Variants in ZFYVE16 observed in about 807,000 individuals in gnomAD.
ZFYVE16 encodes the protein zinc finger FYVE domain-containing protein 16.
In ZFYVE16, 89 loss-of-function variants were observed where a neutral mutation model predicts 138.1. The ratio of observed to expected loss-of-function variants is 0.64; its 90% CI spans 0.54 to 0.77. The LOEUF is 0.77. ZFYVE16 is among the 30% of genes least tolerant of loss of function. The probability of loss-of-function intolerance (pLI) is 0.00; values close to 1 mark genes in which losing one functional copy is unlikely to be tolerated. For missense variants in ZFYVE16, 1,793 were observed against 1,786.7 expected (o/e 1.00, Z -0.06); for synonymous variants, 596 against 618.3 (o/e 0.96, Z 0.53).
intron 18 of ZFYVE16, 41 bp from the exon 19 acceptor site, chr5:80,477,178 A>G: frequency 6.6e-7 from 1 of 1,519,542 alleles, no homozygotes; most frequent in Non-Finnish European, 8.9e-7. Context: ...GAGTTAAACA[A>G]GATTGCTCAT....
intron 9 of ZFYVE16, 49 bp downstream of exon 9, chr5:80,449,762 G>A: frequency 1.3e-6 from 2 of 1,521,200 alleles, no homozygotes; most frequent in Non-Finnish European, 1.8e-6. Flanking sequence ...CAGGATTTCT[G>A]AATTAATTAC....
rs370397768 is a variant in ZFYVE16, at chr5:80,459,485, A to C, written c.4015A>C (p.Ile1339Leu). The change falls in exon 15 of 19, where the codon ATA becomes CTA. Residue 1339 changes from isoleucine (I) to leucine (L), a missense_variant. Around this residue, in one of 2 missense-constraint regions of ZFYVE16, gnomAD observed 498 missense variants for 582.4 expected, o/e 0.86. Coordinates refer to ENST00000505560, the MANE Select transcript of ZFYVE16 (RefSeq NM_001284236.3). ...TSSGFLAKSS[I>L]VEDGLMVQIT... The stretch of plus-strand genomic sequence containing the variant: ...TTCAGGATTTCTTGCTAAGTCCAGC[A>C]TAGTTGAAGGTATGAATTTCATTTT... The C allele has an allele frequency of 6.2e-7, 1 of 1,610,362 alleles. No homozygotes were observed. Among genetic ancestry groups the C allele is most frequent in the Admixed American group, 1.7e-5 (1 of 59,490 alleles).
At chr5:80,421,572 TTTTATCAGG>T (rs1397335677) in intron 1 of ZFYVE16, among the ~76,000 whole-genome samples, 11 of 152,216 alleles carry the variant, frequency 7.2e-5, no homozygotes, top group African/African-American at 2.7e-4. Flanking sequence ...CATTTCTTGT[TTTTATCAGG>T]TTTGTCAAAG....
chr5:80,467,674 T>A (rs1344038410), intron 15 of ZFYVE16, among the ~76,000 whole-genome samples: 1 of 152,190 alleles, frequency 6.6e-6, no homozygotes, highest in Non-Finnish European at 1.5e-5. Flanking sequence ...AGTTGCCTCA[T>A]TAATTATTTA....
intron 2 of ZFYVE16, among the ~76,000 whole-genome samples, chr5:80,430,750 AG>A (rs1288342854): frequency 6.6e-6 from 1 of 152,202 alleles, no homozygotes; most frequent in Admixed American, 6.5e-5. Flanking sequence ...AAAATGATAA[AG>A]GGGATAACAC....
Position 80,443,893 on chromosome 5 carries a change from G to A in ZFYVE16, c.2581+609G>A, listed in dbSNP as rs192683536. The A allele has an allele frequency of 3.3e-5, 15 of 455,552 alleles. No homozygotes were observed. The East Asian group carries it at 9.7e-4, about 30-fold the overall frequency. The allele number at this position is 455,552 out of a possible 1,614,324, so 28.2% of individuals were successfully genotyped here. ...CTGGCATCCAAGAGCCCACTGTAGA[G>A]GGTGAGCTTGGGTTTGAGAGGCAAT... On this transcript the variant is annotated intron_variant, in intron 6 of 18. Coordinates refer to ENST00000505560, the MANE Select transcript of ZFYVE16 (RefSeq NM_001284236.3).
At chr5:80,470,226 C>A (rs1182110226) in intron 15 of ZFYVE16, among the ~76,000 whole-genome samples, 1 of 150,722 alleles carries the variant, frequency 6.6e-6, no homozygotes, top group Non-Finnish European at 1.5e-5. Flanking sequence ...CTCAGCCTCC[C>A]GAGTAGCTGG....
Position 80,474,775 on chromosome 5 carries a change from TAAA to T in ZFYVE16, c.4409_4411del (p.Lys1470del), listed in dbSNP as rs763786642. ...GCGCTGTGCCCTCACCTGAAAACTC[TAAA>T]AAGTAATGGGATGAATAAAATTGGA... is the stretch of plus-strand genomic sequence containing the variant. On this transcript the variant is annotated inframe_deletion, in exon 18 of 19. Coordinates refer to ENST00000505560, the MANE Select transcript of ZFYVE16 (RefSeq NM_001284236.3). 4.7e-5 allele frequency: 76 copies of T among 1,613,660 alleles called. No homozygotes were observed. The highest frequency in any genetic ancestry group is 3.0e-4 in the Admixed American group (18 of 59,950).
intron 14 of ZFYVE16, among the ~76,000 whole-genome samples, chr5:80,459,102 A>G (rs1300908584): frequency 6.6e-6 from 1 of 151,996 alleles, no homozygotes; most frequent in East Asian, 1.9e-4. Flanking sequence ...TAATTTTTGT[A>G]TTTTTAGTAG....
chr5:80,416,413 G>A (rs1011108418), intron 1 of ZFYVE16, among the ~76,000 whole-genome samples: 1 of 151,644 alleles, frequency 6.6e-6, no homozygotes, highest in African/African-American at 2.4e-5. Flanking sequence ...GCAGCACCAT[G>A]CCCGGCTAAT....
chr5:80,426,409 C>T (rs1260285190), intron 1 of ZFYVE16, among the ~76,000 whole-genome samples: 3 of 151,886 alleles, frequency 2.0e-5, no homozygotes, highest in African/African-American at 7.3e-5. Context: ...TATTAAGCCC[C>T]ACATGCATTA....
chr5:80,415,683 T>G (rs548686206), intron 1 of ZFYVE16, among the ~76,000 whole-genome samples: 1 of 152,270 alleles, frequency 6.6e-6, no homozygotes, highest in South Asian at 2.1e-4. Context: ...TTCTTTTTTT[T>G]TTGAGATGGA....
At chr5:80,441,969 G>A (rs2112405286) in intron 5 of ZFYVE16, 1 of 956,242 alleles carries the variant, frequency 1.0e-6, no homozygotes, top group East Asian at 1.2e-4. Context: ...CAAAATAGAA[G>A]CTATATTCTC....
chr5:80,448,306 G>C lies in ZFYVE16; in HGVS notation c.3005G>C (p.Cys1002Ser). Residue 1002 changes from cysteine (C) to serine (S), a missense_variant, in exon 8 of 19, where the codon TGT becomes TCT. Physicochemically the swap from Cys to Ser is moderately radical, Grantham distance 112. Around this residue, in one of 2 missense-constraint regions of ZFYVE16, gnomAD observed 1,295 missense variants for 1,204.3 expected, o/e 1.08. Transcript: ENST00000505560. ...IASISDYRLL[C>S]DINKYVCNKI... ...AGTATTTCAGATTATAGGTTACTGT[G>C]TGATATTAACAAGTATGTCTGCAAT... 1 of 1,612,700 alleles carries C rather than the reference G, an allele frequency of 6.2e-7. No homozygotes were observed.
chr5:80,426,189 ATG>A (rs71601586), intron 1 of ZFYVE16, among the ~76,000 whole-genome samples: 3 of 145,248 alleles, frequency 2.1e-5, no homozygotes, highest in African/African-American at 7.7e-5. Flanking sequence ...ATATATATAT[ATG>A]TGTGTGTGTG....
intron 18 of ZFYVE16, 86 bp from the exon 19 acceptor site, chr5:80,477,133 T>C (rs771163913): frequency 6.9e-6 from 8 of 1,155,844 alleles, no homozygotes; most frequent in Non-Finnish European, 9.5e-6. Context: ...TGAACTGTAT[T>C]TTAAAATATT....
chr5:80,440,702 G>GTA (rs1750605738), intron 5 of ZFYVE16: 2 of 979,100 alleles, frequency 2.0e-6, no homozygotes, highest in Non-Finnish European at 2.4e-6. Flanking sequence ...GTGTGTGTGT[G>GTA]TGGTGTTTTT....
rs970449099 is a variant in ZFYVE16, at chr5:80,441,503, A to G, written c.2419+1471A>G. ...GAGAGCATAAATAAAAGTTAATACC[A>G]GCTTTAGGGTTGAAAATAATAGAAG... On this transcript the variant is annotated intron_variant, in intron 5 of 18. Transcript: ENST00000505560. 2.7e-5 allele frequency: 27 copies of G among 985,302 alleles called. No homozygotes were observed. The South Asian group carries it at 8.9e-4, about 33-fold the overall frequency. The allele number at this position is 985,302 out of a possible 1,614,324, so 61.0% of individuals were successfully genotyped here.
intron 2 of ZFYVE16, among the ~76,000 whole-genome samples, chr5:80,432,631 C>T (rs1239193509): frequency 1.3e-5 from 2 of 152,124 alleles, no homozygotes; most frequent in Non-Finnish European, 2.9e-5. Context: ...AAAGAAACTA[C>T]CATCAGAGTG....
Sources: gnomAD v4.1 joint callset for allele counts (sites outside exome capture counted in the v4.1 genomes callset) on GRCh38, gnomAD v4.1.1 for gene constraint, gnomAD v4.1.1 regional missense constraint, MANE v1.5 for transcripts, NCBI Gene and HGNC (gene_info 2026-07-23, HGNC 2026-07-21) for gene names.